HAUS5: variants seen among roughly 807,000 people sequenced by gnomAD.
HAUS5 encodes HAUS augmin-like complex subunit 5.
Under a neutral mutation model 94.1 loss-of-function variants are expected in HAUS5, and 67 were observed. That is an observed-to-expected ratio of 0.71 (90% CI 0.58 to 0.87). The LOEUF is 0.87. HAUS5 is among the 40% of genes least tolerant of loss of function. The pLI is 0.00. For missense variants in HAUS5, 739 were observed against 825.6 expected (o/e 0.90, Z 1.29); for synonymous variants, 339 against 355.4 (o/e 0.95, Z 0.52).
chr19:35,618,670 G>A lies in HAUS5; in HGVS notation c.987G>A (p.Val329=), dbSNP rs771914700. ...TQRLQGLVEE[V]ERRVLGSSER... is the part of the protein sequence containing the mutation. ...GCCTCCAGGGCCTGGTGGAGGAGGT[G>A]GAGAGACGCGTCCTGGGATCCAGTG... Residue 329 remains valine (V), a synonymous_variant, in exon 12 of 19, where the codon GTG becomes GTA. Transcript: ENST00000203166. 1 of 1,604,070 alleles carries A rather than the reference G, an allele frequency of 6.2e-7. No homozygotes were observed. Among genetic ancestry groups the A allele is most frequent in the Non-Finnish European group, 8.5e-7 (1 of 1,172,784 alleles).
At position 35,622,691 on chromosome 19, in the gene HAUS5, C is replaced by T. The variant is rs1273778745; in HGVS notation, c.1742C>T (p.Ala581Val). 6.2e-7 allele frequency: 1 copy of T among 1,614,014 alleles called. No individual in the cohort carries two copies. The highest frequency in any genetic ancestry group is 1.3e-5 in the African/African-American group (1 of 75,000). The part of the protein sequence containing the change: ...LKRLEKLLKQ[A>V]LERIPELQGI... Reference sequence around the variant, plus strand: ...AGGCTGGAGAAGCTACTGAAACAGGCACTGGAGCGAATCCCTGAGCTGCAG... The same window carrying T: ...AGGCTGGAGAAGCTACTGAAACAGGTACTGGAGCGAATCCCTGAGCTGCAG... The change falls in exon 18 of 19, where the codon GCA (alanine) becomes GTA (valine). Residue 581 changes from alanine (A) to valine (V), a missense_variant. Coordinates refer to ENST00000203166, the MANE Select transcript of HAUS5 (RefSeq NM_015302.2).
rs756709081 is a variant in HAUS5 at position 35,620,087 on chromosome 19, A to G, written c.1482A>G (p.Ile494Met). 1.9e-6 allele frequency: 3 copies of G among 1,613,256 alleles called. No individual in the cohort carries two copies. ...CGTCCCCAAGGGGCTCCAGCTTCAT[A>G]GCGCTGAGCCACAAGCTGGGGCTGC... is the stretch of plus-strand genomic sequence containing the variant. ...HPASPRGSSF[I>M]ALSHKLGLPP... Residue 494 changes from isoleucine to methionine, a missense_variant, in exon 16 of 19, where the codon ATA becomes ATG. Coordinates refer to ENST00000203166, the MANE Select transcript of HAUS5 (RefSeq NM_015302.2).
intron 1 of HAUS5, among the ~76,000 whole-genome samples, chr19:35,613,105 A>G (rs2071909914): frequency 6.6e-6 from 1 of 152,098 alleles, no homozygotes; most frequent in Non-Finnish European, 1.5e-5. Context: ...CTCGCTCCTT[A>G]TGGAAATAGG....
chr19:35,617,520 CACAA>C (rs1196124993), intron 8 of HAUS5, 151 bp downstream of exon 8: 4 of 627,282 alleles, frequency 6.4e-6, no homozygotes, highest in African/African-American at 1.8e-5. Context: ...AGTCTCTCAT[CACAA>C]ACAGTGACAG....
At chr19:35,612,946 G>A in intron 1 of HAUS5, 54 bp downstream of exon 1, 3 of 1,232,190 alleles carry the variant, frequency 2.4e-6, no homozygotes, top group Non-Finnish European at 3.3e-6. Flanking sequence ...GAGTCTCCGG[G>A]AGTGAGAACT....
At chr19:35,620,840 T>C (rs926859088) in intron 17 of HAUS5, among the ~76,000 whole-genome samples, 5 of 152,224 alleles carry the variant, frequency 3.3e-5, no homozygotes, top group African/African-American at 4.8e-5. Flanking sequence ...CTGCCTGCTA[T>C]GCAGTAAGCA....
In HAUS5 at chr19:35,619,482, G is replaced by T. The variant is rs750857946; in HGVS notation, c.1238G>T (p.Arg413Leu). 3 of 1,610,118 alleles carry T rather than the reference G, an allele frequency of 1.9e-6. No individual in the cohort carries two copies. Among genetic ancestry groups the T allele is most frequent in the East Asian group, 2.2e-5 (1 of 44,840 alleles). ...LIKGNSASKT[R>L]LCRSPGEVLA... ...AAGGGAAACTCGGCCAGCAAGACCC[G>T]CCTGTGCCGGAGCCCGGGGGAGGTG... Residue 413 changes from arginine to leucine, a missense_variant, in exon 14 of 19, where the codon CGC (arginine) becomes CTC (leucine). Arg to Leu is a moderately radical substitution (Grantham distance 102, BLOSUM62 -2). Coordinates refer to ENST00000203166, the MANE Select transcript of HAUS5 (RefSeq NM_015302.2).
intron 14 of HAUS5, 29 bp from the exon 15 acceptor site, chr19:35,619,584 G>GCCCCCCCCC: frequency 4.6e-6 from 7 of 1,533,862 alleles, no homozygotes; most frequent in African/African-American, 1.4e-5. Flanking sequence ...ATGTTGTGAT[G>GCCCCCCCCC]CCCCACCCAC....
At chr19:35,618,328 C>G (rs1289421526) in intron 10 of HAUS5, 74 bp from the exon 11 acceptor site, 15 of 1,605,330 alleles carry the variant, frequency 9.3e-6, no homozygotes, top group Non-Finnish European at 1.3e-5. Context: ...GGTGGCAGGA[C>G]TGATACTGTC....
intron 17 of HAUS5, among the ~76,000 whole-genome samples, chr19:35,621,650 T>C (rs1568330422): frequency 2.0e-5 from 3 of 152,164 alleles, no homozygotes; most frequent in Admixed American, 2.0e-4. Flanking sequence ...CTCATCCAAG[T>C]GCTGCACCCA....
At position 35,618,885 on chromosome 19, in the gene HAUS5, A is replaced by G; in HGVS notation, c.1017-2A>G. On this transcript the variant is annotated splice_acceptor_variant, in intron 12 of 18. Transcript: ENST00000203166. LOFTEE classifies it high-confidence loss of function. ...CTTTGCTCTCCTCCACTTGCCCTGC[A>G]GGCAGGTGCTGATACTGGGGCTTCG... is the stretch of plus-strand genomic sequence containing the variant. 1 of 1,598,596 alleles carries G rather than the reference A, an allele frequency of 6.3e-7. No homozygotes were observed. The highest frequency in any genetic ancestry group is 1.1e-5 in the South Asian group (1 of 89,278).
At position 35,618,900 on chromosome 19, in the gene HAUS5, CT is replaced by C; in HGVS notation, c.1031del (p.Leu344ArgfsTer33). The part of the protein sequence containing the change: ...LGSSERQVLI[L>X]GLRRCCLWTE... ...CTTGCCCTGCAGGCAGGTGCTGATACTGGGGCTTCGGCGCTGTTGCCTGTGG... is the reference window on the plus strand; with the variant it reads ...CTTGCCCTGCAGGCAGGTGCTGATACGGGGCTTCGGCGCTGTTGCCTGTGG... On this transcript the variant is annotated frameshift_variant, in exon 13 of 19. Transcript: ENST00000203166. LOFTEE classifies it high-confidence loss of function. 6.2e-7 allele frequency: 1 copy of C among 1,607,160 alleles called. No homozygotes were observed. Among genetic ancestry groups the C allele is most frequent in the Non-Finnish European group, 8.5e-7 (1 of 1,177,006 alleles).
At chr19:35,614,282 G>A (rs2071921664) in intron 4 of HAUS5, 1 of 599,532 alleles carries the variant, frequency 1.7e-6, no homozygotes, top group Non-Finnish European at 3.0e-6. Context: ...CTCACCTGAG[G>A]CCTCATCTCA....
In HAUS5 at chr19:35,620,006, C is replaced by A. The variant is rs747150232; in HGVS notation, c.1407-6C>A. On this transcript the variant is annotated splice_polypyrimidine_tract_variant and splice_region_variant and intron_variant, in intron 15 of 18. Transcript: ENST00000203166. Reference sequence around the variant, plus strand: ...CCACCCAACCCAGACTTCTCCCCGCCCGTAGGTTGAAGCCCCTGCCCACGG... The same window carrying A: ...CCACCCAACCCAGACTTCTCCCCGCACGTAGGTTGAAGCCCCTGCCCACGG... The A allele has an allele frequency of 3.7e-6, 6 of 1,612,402 alleles. No homozygotes were observed. The highest frequency in any genetic ancestry group is 5.1e-6 in the Non-Finnish European group (6 of 1,178,934).
Position 35,612,771 on chromosome 19 carries a change from C to G in HAUS5, c.-24C>G. On this transcript the variant is annotated 5_prime_UTR_variant, in exon 1 of 19. Coordinates refer to ENST00000203166, the MANE Select transcript of HAUS5 (RefSeq NM_015302.2). Reference sequence around the variant, plus strand: ...CCACACTTGAAGAGGCTGAGGGAGGCGGTGTCGCCGCCGCGGCGCTGTCAT... The same window carrying G: ...CCACACTTGAAGAGGCTGAGGGAGGGGGTGTCGCCGCCGCGGCGCTGTCAT... The G allele has an allele frequency of 6.6e-7, 1 of 1,523,666 alleles. No individual in the cohort carries two copies. The highest frequency in any genetic ancestry group is 2.5e-5 in the East Asian group (1 of 40,136). The allele number at this position is 1,523,666 out of a possible 1,614,324, so 94.4% of individuals were successfully genotyped here. A position where few individuals can be genotyped will look rare whatever the true frequency, so the allele number is the denominator to read the frequency against.
chr19:35,619,839 T>A (rs1283480922), intron 15 of HAUS5, 81 bp downstream of exon 15: 3 of 1,508,348 alleles, frequency 2.0e-6, no homozygotes, highest in Non-Finnish European at 2.7e-6. Context: ...TCAAAAAAGA[T>A]AACCCCAGAC....
In HAUS5 at chr19:35,615,231, G is replaced by A. The variant is rs2071931407; in HGVS notation, c.330G>A (p.Thr110=). ...LMERDTEAQD[T]AMEQARQHTQ... is the part of the protein sequence containing the mutation. ...CCACCCCTGTTCCTCCCACAGACAC[G>A]GCCATGGAGCAGGCACGTCAGCACA... Residue 110 remains threonine (T), a synonymous_variant, in exon 6 of 19, where the codon ACG becomes ACA. Transcript: ENST00000203166. 3 of 1,613,730 alleles carry A rather than the reference G, an allele frequency of 1.9e-6. No individual in the cohort carries two copies. The highest frequency in any genetic ancestry group is 1.3e-5 in the African/African-American group (1 of 74,946).
chr19:35,614,969 GCCTGGTACCC>G, intron 4 of HAUS5, 63 bp from the exon 5 acceptor site: 1 of 1,123,564 alleles, frequency 8.9e-7, no homozygotes, highest in Non-Finnish European at 1.3e-6. Flanking sequence ...CAGTTGAGGA[GCCTGGTACCC>G]CCAAAAGACA....
chr19:35,612,930 G>A (rs992292277), intron 1 of HAUS5, 38 bp downstream of exon 1: 4 of 1,368,130 alleles, frequency 2.9e-6, no homozygotes, highest in Admixed American at 2.9e-5. Context: ...CCCCACCCTG[G>A]AGATTGAGTC....
Sources: allele counts gnomAD v4.1 joint callset (sites outside exome capture counted in the v4.1 genomes callset), GRCh38; gene constraint gnomAD v4.1.1; transcripts MANE v1.5; gene names NCBI Gene and HGNC (gene_info 2026-07-23, HGNC 2026-07-21).